The following MGAT3 variants were observed in gnomAD, a reference collection of about 807,000 sequenced individuals.
MGAT3 encodes the protein beta-1,4-mannosyl-glycoprotein 4-beta-N-acetylglucosaminyltransferase.
In MGAT3, 9 loss-of-function variants were observed where a neutral mutation model predicts 29.8. The ratio of observed to expected loss-of-function variants is 0.30; its 90% confidence interval spans 0.18 to 0.53. The LOEUF is 0.53. MGAT3 is among the 20% of genes least tolerant of loss of function. MGAT3 has a pLI of 0.96. For synonymous variants in MGAT3, 397 were observed against 348.9 expected, an observed-to-expected ratio of 1.14 and a Z score of -1.54; for missense variants, 557 against 769.5, an observed-to-expected ratio of 0.72 and a Z score of 3.27.
intron 1 of MGAT3, among the ~76,000 whole-genome samples, chr22:39,465,825 G>C (rs1309403072): frequency 6.6e-6 from 1 of 151,998 alleles, no homozygotes. Flanking sequence ...TCAGCTACTC[G>C]GGAGGCTGAG....
chr22:39,461,656 A>G (rs546409706), intron 1 of MGAT3, among the ~76,000 whole-genome samples: 7 of 152,218 alleles, frequency 4.6e-5, no homozygotes, highest in Non-Finnish European at 1.0e-4. Context: ...TCTGTTGTCC[A>G]TCAAAAGCTT....
At chr22:39,471,010 G>A (rs1446876782) in intron 1 of MGAT3, among the ~76,000 whole-genome samples, 3 of 152,196 alleles carry the variant, frequency 2.0e-5, no homozygotes, top group Admixed American at 6.5e-5. Context: ...CTCTCACAGA[G>A]GCAGAAGCAC....
Position 39,487,385 on chromosome 22 carries a change from G to A in MGAT3, c.38G>A (p.Cys13Tyr). ...MRRYKLFLMF[C>Y]MAGLCLISFL... ...CGCTACAAGCTCTTTCTCATGTTCT[G>A]TATGGCCGGCCTGTGCCTCATCTCC... The change falls in exon 2 of 2, where the codon TGT becomes TAT. Residue 13 changes from cysteine to tyrosine, a missense_variant. Around this residue, in one of 3 missense-constraint regions of MGAT3, gnomAD observed 212 missense variants for 228.5 expected, o/e 0.93. Transcript: ENST00000341184. The surrounding 1 kb of genome is among the most constrained non-coding windows in gnomAD (Gnocchi z 5.7). 1 of 1,613,526 alleles carries A rather than the reference G, an allele frequency of 6.2e-7. No individual in the cohort carries two copies. Among genetic ancestry groups the A allele is most frequent in the Non-Finnish European group, 8.5e-7 (1 of 1,179,964 alleles).
chr22:39,462,134 T>C (rs898671536), intron 1 of MGAT3, among the ~76,000 whole-genome samples: 1 of 151,948 alleles, frequency 6.6e-6, no homozygotes, highest in South Asian at 2.1e-4. Flanking sequence ...CTCCTGACCT[T>C]GTGATCCGCC....
intron 1 of MGAT3, among the ~76,000 whole-genome samples, chr22:39,470,159 G>A (rs764402002): frequency 5.3e-5 from 8 of 152,212 alleles, no homozygotes; most frequent in Non-Finnish European, 1.2e-4. Flanking sequence ...GCAGGGTGAG[G>A]GCGGGGCAGA....
chr22:39,478,342 G>A (rs908327334), intron 1 of MGAT3, among the ~76,000 whole-genome samples: 9 of 152,228 alleles, frequency 5.9e-5, no homozygotes, highest in African/African-American at 2.2e-4. Context: ...TGGGTGTTGG[G>A]CCTGCTTTAC....
chr22:39,480,120 C>T (rs1029795329), intron 1 of MGAT3, among the ~76,000 whole-genome samples: 1 of 152,222 alleles, frequency 6.6e-6, no homozygotes, highest in South Asian at 2.1e-4. Context: ...TGGGAGAGTT[C>T]GGGATGGGCT....
chr22:39,476,538 C>T (rs1212303627), intron 1 of MGAT3: 1 of 152,266 alleles, frequency 6.6e-6, no homozygotes, highest in African/African-American at 2.4e-5. Context: ...GGCCTGGCCC[C>T]TGAAGCAGAC....
intron 1 of MGAT3, among the ~76,000 whole-genome samples, chr22:39,458,309 G>C (rs1324922520): frequency 1.4e-5 from 2 of 146,940 alleles, no homozygotes; most frequent in South Asian, 2.1e-4. Flanking sequence ...CGCGCGGCCA[G>C]ACCTAGTGGT....
rs770509183 is a variant in MGAT3 at position 39,490,398 on chromosome 22, C to T, written c.*1449C>T. The T allele has an allele frequency of 2.4e-5, 4 of 167,014 alleles. No individual in the cohort carries two copies. The highest frequency in any genetic ancestry group is 7.2e-5 in the African/African-American group (3 of 41,448). 10.3% of individuals were successfully genotyped at this position (167,014 alleles called of 1,614,324 possible). ...TGGGAAGTGTAGTCTTCAGCGGGGC[C>T]GCCATGTGCCTGGCCTCACCTTGGG... On this transcript the variant is annotated 3_prime_UTR_variant, in exon 2 of 2. Coordinates refer to ENST00000341184, the MANE Select transcript of MGAT3 (RefSeq NM_002409.5).
rs1928385211 is a variant in MGAT3 at position 39,457,948 on chromosome 22, C to T, written c.-2+391C>T. On this transcript the variant is annotated intron_variant, in intron 1 of 1. Transcript: ENST00000341184. The surrounding 1 kb of genome is among the most constrained non-coding windows in gnomAD (Gnocchi z 6.8). Reference sequence around the variant, plus strand: ...CCACAACCTCCGGCGCGGCGCGGGGCTGGGGTGGGAGGCCTCCGCGCCCGC... The same window carrying T: ...CCACAACCTCCGGCGCGGCGCGGGGTTGGGGTGGGAGGCCTCCGCGCCCGC... Among the ~76,000 whole-genome samples, 1 of 151,810 alleles carries T rather than the reference C, an allele frequency of 6.6e-6. No homozygotes were observed. Among genetic ancestry groups the T allele is most frequent in the African/African-American group, 2.4e-5 (1 of 41,392 alleles).
intron 1 of MGAT3, among the ~76,000 whole-genome samples, chr22:39,479,174 A>G (rs1184964717): frequency 2.0e-5 from 3 of 151,654 alleles, no homozygotes; most frequent in Non-Finnish European, 2.9e-5. Flanking sequence ...TCCTCTCTAC[A>G]AAAAAATGTT....
At position 39,457,144 on chromosome 22, in the gene MGAT3, AG is replaced by A; in HGVS notation, c.-411del. On this transcript the variant is annotated 5_prime_UTR_variant, in exon 1 of 2. Coordinates refer to ENST00000341184, the MANE Select transcript of MGAT3 (RefSeq NM_002409.5). The surrounding 1 kb of genome is among the most constrained non-coding windows in gnomAD (Gnocchi z 6.8). Reference sequence around the variant, plus strand: ...GGCGGCGGAGCCCGGCTGGCGGGGGAGGGGAGGGGGTTGCGGAGGGGGCGGG... The same window carrying A: ...GGCGGCGGAGCCCGGCTGGCGGGGGAGGGAGGGGGTTGCGGAGGGGGCGGG... 1.4e-5 allele frequency among the ~76,000 whole-genome samples: 1 copy of A among 73,460 alleles called. No individual in the cohort carries two copies. Among genetic ancestry groups the A allele is most frequent in the South Asian group, 5.3e-4 (1 of 1,902 alleles). 48.2% of individuals were successfully genotyped at this position (73,460 alleles called of 152,430 possible).
In MGAT3 at chr22:39,488,277, C is replaced by T. The variant is rs2145728590; in HGVS notation, c.930C>T (p.Asp310=). The T allele has an allele frequency of 6.2e-7, 1 of 1,611,526 alleles. No individual in the cohort carries two copies. The change falls in exon 2 of 2, where the codon GAC becomes GAT. Residue 310 remains aspartate, a synonymous_variant. Transcript: ENST00000341184. ...GVSRLRNLRP[D]DVFIIDDADE... ...CGCGGCTGCGCAACCTGCGGCCCGACGACGTCTTCATCATTGACGATGCGG... is the reference window on the plus strand; with the variant it reads ...CGCGGCTGCGCAACCTGCGGCCCGATGACGTCTTCATCATTGACGATGCGG...
intron 1 of MGAT3, among the ~76,000 whole-genome samples, chr22:39,469,096 G>A (rs988694887): frequency 1.3e-5 from 2 of 150,004 alleles, no homozygotes; most frequent in Admixed American, 1.3e-4. Context: ...GCGGGCAGTG[G>A]GACTGACTGC....
chr22:39,463,600 C>A (rs1966329551), intron 1 of MGAT3, among the ~76,000 whole-genome samples: 1 of 152,204 alleles, frequency 6.6e-6, no homozygotes, highest in African/African-American at 2.4e-5. Context: ...GAGCATCTCA[C>A]AACGGGAGGG....
intron 1 of MGAT3, among the ~76,000 whole-genome samples, chr22:39,458,006 G>GGCA (rs1928388112): frequency 6.6e-6 from 1 of 152,072 alleles, no homozygotes; most frequent in Admixed American, 6.5e-5. Flanking sequence ...CTGCGGCGGC[G>GGCA]GCAGCCGAGG....
chr22:39,466,091 G>A (rs1928637958), intron 1 of MGAT3, among the ~76,000 whole-genome samples: 1 of 152,178 alleles, frequency 6.6e-6, no homozygotes, highest in African/African-American at 2.4e-5. Flanking sequence ...CAGGCCCAGG[G>A]GTGGCAGGAT....
intron 1 of MGAT3, among the ~76,000 whole-genome samples, chr22:39,458,924 C>T (rs1928419371): frequency 6.6e-6 from 1 of 152,102 alleles, no homozygotes; most frequent in Admixed American, 6.5e-5. Context: ...AGGGAGCTGG[C>T]ACTTGGTCCT....
Sources: gnomAD v4.1 joint callset for allele counts (sites outside exome capture counted in the v4.1 genomes callset) on GRCh38, gnomAD v4.1.1 for gene constraint, gnomAD v4.1.1 regional missense constraint, Gnocchi (gnomAD v3.1) non-coding constraint, MANE v1.5 for transcripts, NCBI Gene and HGNC (gene_info 2026-07-23, HGNC 2026-07-21) for gene names.